CDH13: variants seen among roughly 807,000 people sequenced by gnomAD.
The protein encoded by CDH13 is cadherin 13, also known as cadherin-13.
CDH13 carries 24 observed loss-of-function variants against 63.8 expected under a neutral mutation model. That is an observed-to-expected ratio of 0.38 (90% CI 0.27 to 0.53). The LOEUF is 0.53. CDH13 is among the 20% of genes least tolerant of loss of function. The probability of loss-of-function intolerance (pLI) is 0.85; values close to 1 mark genes in which losing one functional copy is unlikely to be tolerated. For missense variants in CDH13, 1,049 were observed against 903.1 expected, an observed-to-expected ratio of 1.16 and a Z score of -2.07; for synonymous variants, 503 against 355.3, an observed-to-expected ratio of 1.42 and a Z score of -4.67.
chr16:83,702,647 C>T (rs1014254670), intron 10 of CDH13, among the ~76,000 whole-genome samples: 3 of 152,162 alleles, frequency 2.0e-5, no homozygotes, highest in Admixed American at 6.5e-5. Flanking sequence ...TTCTCATCTC[C>T]CCACCAGGCC....
At chr16:83,319,716 A>G (rs1419614006) in intron 5 of CDH13, among the ~76,000 whole-genome samples, 1 of 152,204 alleles carries the variant, frequency 6.6e-6, no homozygotes, top group African/African-American at 2.4e-5. Flanking sequence ...AGAAGGAAAA[A>G]AATATGCTGG....
chr16:83,222,695 G>T (rs891599394), intron 5 of CDH13, among the ~76,000 whole-genome samples: 1 of 151,960 alleles, frequency 6.6e-6, no homozygotes, highest in Non-Finnish European at 1.5e-5. Context: ...CTTAGCCAGG[G>T]TTCTTGGTGG....
At chr16:83,412,210 C>T (rs558275764) in intron 6 of CDH13, among the ~76,000 whole-genome samples, 2 of 152,288 alleles carry the variant, frequency 1.3e-5, no homozygotes, top group African/African-American at 4.8e-5. Flanking sequence ...TCCTGTAATC[C>T]CAGCACTTTG....
intron 8 of CDH13, among the ~76,000 whole-genome samples, chr16:83,625,185 T>TGCTCATGTGTGTGTGTGC (rs1910179845): frequency 6.6e-6 from 1 of 151,548 alleles, no homozygotes; most frequent in African/African-American, 2.4e-5. Flanking sequence ...TGTGTGTGTG[T>TGCTCATGTGTGTGTGTGC]GCTCATGTGT....
intron 6 of CDH13, among the ~76,000 whole-genome samples, chr16:83,348,801 T>C (rs2090892242): frequency 6.6e-6 from 1 of 152,218 alleles, no homozygotes; most frequent in African/African-American, 2.4e-5. Context: ...GAGGATTCAG[T>C]GAGACAACAT....
At chr16:82,739,374 A>G (rs2033831110) in intron 1 of CDH13, among the ~76,000 whole-genome samples, 1 of 152,200 alleles carries the variant, frequency 6.6e-6, no homozygotes, top group African/African-American at 2.4e-5. Flanking sequence ...TTCCATTTAA[A>G]TTCAAATTTA....
chr16:83,673,738 C>A (rs913488514), intron 9 of CDH13, among the ~76,000 whole-genome samples: 4 of 152,128 alleles, frequency 2.6e-5, no homozygotes, highest in Admixed American at 1.3e-4. Flanking sequence ...CTGGGCTTGC[C>A]CCAGACCTGC....
intron 5 of CDH13, among the ~76,000 whole-genome samples, chr16:83,296,283 G>A (rs987161787): frequency 6.6e-6 from 1 of 152,080 alleles, no homozygotes; most frequent in South Asian, 2.1e-4. Context: ...TCATTTTACA[G>A]ATGAGAAAAT....
intron 6 of CDH13, among the ~76,000 whole-genome samples, chr16:83,479,737 AG>A (rs2073709426): frequency 6.6e-6 from 1 of 152,134 alleles, no homozygotes; most frequent in Non-Finnish European, 1.5e-5. Context: ...GCATTCTCAA[AG>A]GGGGTAATAT....
intron 5 of CDH13, among the ~76,000 whole-genome samples, chr16:83,301,438 C>A (rs1016800752): frequency 3.3e-5 from 5 of 152,054 alleles, no homozygotes; most frequent in African/African-American, 4.8e-5. Flanking sequence ...TACCCAGTAC[C>A]TTGTTTAATG....
At chr16:82,689,079 A>G (rs968693496) in intron 1 of CDH13, 2 of 152,212 alleles carry the variant, frequency 1.3e-5, no homozygotes, top group African/African-American at 2.4e-5. Context: ...GCTTAGGGCA[A>G]TAACATGTAT....
chr16:83,271,598 A>G (rs2088819849), intron 5 of CDH13, among the ~76,000 whole-genome samples: 1 of 151,916 alleles, frequency 6.6e-6, no homozygotes, highest in Non-Finnish European at 1.5e-5. Flanking sequence ...CAAGATCATA[A>G]ATACTGGAAA....
chr16:82,664,544 T>C (rs947975527), intron 1 of CDH13, among the ~76,000 whole-genome samples: 4 of 152,192 alleles, frequency 2.6e-5, no homozygotes, highest in Non-Finnish European at 5.9e-5. Flanking sequence ...CTTTGAAGCA[T>C]GACTTTCTGA....
intron 7 of CDH13, among the ~76,000 whole-genome samples, chr16:83,526,781 G>A (rs1471093238): frequency 1.3e-5 from 2 of 152,148 alleles, no homozygotes; most frequent in Non-Finnish European, 2.9e-5. Context: ...TCCCAGTTTG[G>A]GAACAGTGAA....
chr16:82,850,943 A>T (rs2039455416), intron 1 of CDH13, among the ~76,000 whole-genome samples: 1 of 152,222 alleles, frequency 6.6e-6, no homozygotes, highest in South Asian at 2.1e-4. Context: ...CATAACTTTT[A>T]TATGCACTGG....
intron 2 of CDH13, among the ~76,000 whole-genome samples, chr16:82,914,842 A>G (rs534974265): frequency 2.6e-5 from 4 of 152,268 alleles, no homozygotes; most frequent in African/African-American, 9.6e-5. Flanking sequence ...GACTCTCCAA[A>G]TTTGTTTAAC....
chr16:83,666,487 G>A (rs374638858), intron 8 of CDH13, among the ~76,000 whole-genome samples: 1 of 152,112 alleles, frequency 6.6e-6, no homozygotes, highest in Non-Finnish European at 1.5e-5. Flanking sequence ...ACGTAACCCA[G>A]TTCCTTGATT....
chr16:83,018,243 C>G (rs1915000281), intron 2 of CDH13, among the ~76,000 whole-genome samples: 1 of 152,130 alleles, frequency 6.6e-6, no homozygotes, highest in Non-Finnish European at 1.5e-5. Context: ...GGAACACTGA[C>G]CCTTCAACAT....
At chr16:82,750,161 G>T (rs1276823837) in intron 1 of CDH13, among the ~76,000 whole-genome samples, 1 of 152,142 alleles carries the variant, frequency 6.6e-6, no homozygotes, top group African/African-American at 2.4e-5. Context: ...CAAAAGCAGC[G>T]ATGCTTCAGA....
Sources: allele counts gnomAD v4.1 joint callset (sites outside exome capture counted in the v4.1 genomes callset), GRCh38; gene constraint gnomAD v4.1.1; transcripts MANE v1.5; gene names NCBI Gene and HGNC (gene_info 2026-07-23, HGNC 2026-07-21).